OLFM2: variants seen among roughly 807,000 people sequenced by gnomAD.
OLFM2 encodes noelin-2.
OLFM2 carries 20 observed loss-of-function variants against 43.9 expected under a neutral mutation model. The ratio of observed to expected loss-of-function variants is 0.46; its 90% CI spans 0.32 to 0.66. The LOEUF (loss-of-function observed/expected upper bound fraction) is 0.66. Ranked by LOEUF, OLFM2 falls within the 30% of genes least tolerant of loss-of-function variation. The pLI, the probability that OLFM2 is intolerant of heterozygous loss-of-function variation, is 0.04. For synonymous variants in OLFM2, 268 were observed against 278.6 expected (o/e 0.96, Z 0.38); for missense variants, 416 against 643.6 (o/e 0.65, Z 3.83).
At chr19:9,913,474 GC>G in intron 1 of OLFM2, 4 of 1,078,186 alleles carry the variant, frequency 3.7e-6, no homozygotes, top group Non-Finnish European at 4.5e-6. Flanking sequence ...CCGCGCGGCG[GC>G]CACTCACGAT....
At chr19:9,879,507 G>T (rs1342982390) in intron 1 of OLFM2, among the ~76,000 whole-genome samples, 2 of 152,044 alleles carry the variant, frequency 1.3e-5, no homozygotes, top group Non-Finnish European at 2.9e-5. Context: ...TGTAAAACCC[G>T]CCTGCTTCCC....
chr19:9,888,545 C>T (rs539404362), intron 1 of OLFM2, among the ~76,000 whole-genome samples: 1 of 144,584 alleles, frequency 6.9e-6, no homozygotes, highest in African/African-American at 2.5e-5. Context: ...AAAAAACAAA[C>T]CTTCCCTGAT....
intron 1 of OLFM2, among the ~76,000 whole-genome samples, chr19:9,928,094 C>T (rs1443708895): frequency 2.6e-5 from 4 of 151,878 alleles, no homozygotes; most frequent in African/African-American, 9.7e-5. Context: ...ACCTGTAGTC[C>T]TAACTATTTG....
chr19:9,859,441 C>T (rs968094236), intron 2 of OLFM2, among the ~76,000 whole-genome samples: 16 of 152,114 alleles, frequency 1.1e-4, no homozygotes, highest in African/African-American at 3.6e-4. Context: ...CTCAGCCTCC[C>T]GAGTAGGTGG....
chr19:9,916,777 C>G (rs1481504950), intron 1 of OLFM2, among the ~76,000 whole-genome samples: 1 of 152,168 alleles, frequency 6.6e-6, no homozygotes, highest in African/African-American at 2.4e-5. Flanking sequence ...CCCACCTCCC[C>G]AACGTTTCCA....
chr19:9,915,479 A>AT (rs1262036305), intron 1 of OLFM2, among the ~76,000 whole-genome samples: 1 of 150,994 alleles, frequency 6.6e-6, no homozygotes, highest in East Asian at 1.9e-4. Flanking sequence ...AAACAGAGTG[A>AT]TTGGAGAAAG....
chr19:9,875,261 G>T (rs771005138), intron 1 of OLFM2, among the ~76,000 whole-genome samples: 1 of 152,226 alleles, frequency 6.6e-6, no homozygotes, highest in African/African-American at 2.4e-5. Context: ...GCAGGCGAGA[G>T]AGATCTTTCT....
intron 1 of OLFM2, among the ~76,000 whole-genome samples, chr19:9,919,046 G>A (rs1308770799): frequency 6.6e-6 from 1 of 152,170 alleles, no homozygotes; most frequent in Non-Finnish European, 1.5e-5. Flanking sequence ...CTGCTGAAAA[G>A]GGAAGATCCA....
At chr19:9,905,365 G>A (rs1383685069) in intron 1 of OLFM2, among the ~76,000 whole-genome samples, 1 of 152,138 alleles carries the variant, frequency 6.6e-6, no homozygotes, top group Non-Finnish European at 1.5e-5. Context: ...GCTGAGGCAG[G>A]AGAATGGCTT....
At chr19:9,901,181 A>G (rs2046735646) in intron 1 of OLFM2, among the ~76,000 whole-genome samples, 1 of 150,040 alleles carries the variant, frequency 6.7e-6, no homozygotes, top group South Asian at 2.1e-4. Context: ...GAAGGAAAAG[A>G]AAGAAGGAAA....
At chr19:9,933,557 T>A (rs1382300636) in intron 1 of OLFM2, among the ~76,000 whole-genome samples, 1 of 146,188 alleles carries the variant, frequency 6.8e-6, no homozygotes, top group Non-Finnish European at 1.5e-5. Context: ...CTAATCTTTT[T>A]TTTTTTTTTT....
chr19:9,936,265 G>A (rs1193746792), intron 1 of OLFM2, 39 bp downstream of exon 1: 1 of 1,524,286 alleles, frequency 6.6e-7, no homozygotes, highest in Non-Finnish European at 8.8e-7. Context: ...CTCCTCTCCC[G>A]GAGCCACCCG....
chr19:9,894,996 T>G (rs2046670944), intron 1 of OLFM2, among the ~76,000 whole-genome samples: 1 of 152,078 alleles, frequency 6.6e-6, no homozygotes, highest in African/African-American at 2.4e-5. Flanking sequence ...CCTAACCTAG[T>G]TCTTATCCAA....
intron 1 of OLFM2, among the ~76,000 whole-genome samples, chr19:9,881,743 C>T (rs2046541713): frequency 6.6e-6 from 1 of 151,778 alleles, no homozygotes; most frequent in Non-Finnish European, 1.5e-5. Flanking sequence ...AGTGATCCTC[C>T]CACCTCAGCC....
intron 1 of OLFM2, among the ~76,000 whole-genome samples, chr19:9,904,963 G>A (rs2046772600): frequency 6.6e-6 from 1 of 151,956 alleles, no homozygotes; most frequent in Admixed American, 6.6e-5. Flanking sequence ...AGGCTGCAGT[G>A]AGCTATGATC....
intron 1 of OLFM2, among the ~76,000 whole-genome samples, chr19:9,908,602 C>T (rs1238684246): frequency 2.6e-5 from 4 of 151,708 alleles, no homozygotes; most frequent in African/African-American, 9.7e-5. Flanking sequence ...CCTCAGCTTC[C>T]CGAGTAGCTG....
At chr19:9,910,270 C>T (rs1199134122) in intron 1 of OLFM2, among the ~76,000 whole-genome samples, 2 of 151,954 alleles carry the variant, frequency 1.3e-5, no homozygotes, top group African/African-American at 4.8e-5. Context: ...ATAATTTCCC[C>T]CAAAGTCACA....
intron 1 of OLFM2, among the ~76,000 whole-genome samples, chr19:9,887,644 G>A (rs2046599581): frequency 6.6e-6 from 1 of 151,806 alleles, no homozygotes; most frequent in Non-Finnish European, 1.5e-5. Context: ...TGCCCCCACA[G>A]TCTGCTTCCC....
chr19:9,910,334 A>T (rs1161021260), intron 1 of OLFM2, among the ~76,000 whole-genome samples: 1 of 152,204 alleles, frequency 6.6e-6, no homozygotes, highest in African/African-American at 2.4e-5. Flanking sequence ...TGACTCAAAA[A>T]TCTTATCACT....
Sources: allele counts gnomAD v4.1 joint callset (sites outside exome capture counted in the v4.1 genomes callset), GRCh38; gene constraint gnomAD v4.1.1; transcripts MANE v1.5; gene names NCBI Gene and HGNC (gene_info 2026-07-23, HGNC 2026-07-21).